The following BICD2 variants were observed in gnomAD, a reference collection of about 807,000 sequenced individuals.
BICD2 encodes BICD cargo adaptor 2.
Under a neutral mutation model 72.9 loss-of-function variants are expected in BICD2, and 25 were observed. The observed-to-expected ratio is 0.34, with a 90% CI of 0.25 to 0.48. The LOEUF is 0.48. BICD2 is among the 20% of genes least tolerant of loss of function. The pLI, the probability that BICD2 is intolerant of heterozygous loss-of-function variation, is 0.99. For synonymous variants in BICD2, 501 were observed against 516.1 expected (o/e 0.97, Z 0.40); for missense variants, 894 against 1,175.2 (o/e 0.76, Z 3.50).
At chr9:92,748,088 A>G (rs1854052898) in intron 1 of BICD2, among the ~76,000 whole-genome samples, 1 of 152,124 alleles carries the variant, frequency 6.6e-6, no homozygotes, top group Admixed American at 6.5e-5. Context: ...GTGGGCAGGC[A>G]TTGCAGGTTC....
At position 92,720,497 on chromosome 9, in the gene BICD2, C is replaced by A; in HGVS notation, c.865G>T (p.Ala289Ser). The A allele has an allele frequency of 6.2e-7, 1 of 1,614,222 alleles. No homozygotes were observed. Among genetic ancestry groups the A allele is most frequent in the Non-Finnish European group, 8.5e-7 (1 of 1,180,046 alleles). Residue 289 changes from alanine (A) to serine (S), a missense_variant, in exon 4 of 7, where the codon GCT (alanine) becomes TCT (serine). Ala to Ser is a moderately conservative substitution (Grantham distance 99). Transcript: ENST00000356884. This position sits in a 1 kb window ranked among gnomAD's most constrained non-coding sequence, Gnocchi z 5.4. ...TCGGCATCGTTGTTGGGCTCGGCAG[C>A]ATCGTCACTGAACTTGAGGCCATCC... ...SLDGLKFSDDAAEPNNDAEAL... is the reference protein window; with the variant it reads ...SLDGLKFSDDSAEPNNDAEAL...
Position 92,715,016 on chromosome 9 carries a change from GC to G in BICD2, c.*137del. Reference sequence around the variant, plus strand: ...CTCACAAGTGTCCTGCTGATGCAACGCCCCATGGCGCCTCGGCTAGACTCCT... The same window carrying G: ...CTCACAAGTGTCCTGCTGATGCAACGCCCATGGCGCCTCGGCTAGACTCCT... On this transcript the variant is annotated 3_prime_UTR_variant, in exon 7 of 7. Coordinates refer to ENST00000356884, the MANE Select transcript of BICD2 (RefSeq NM_001003800.2). 1 of 1,423,164 alleles carries G rather than the reference GC, an allele frequency of 7.0e-7. No individual in the cohort carries two copies. Among genetic ancestry groups the G allele is most frequent in the Non-Finnish European group, 9.2e-7 (1 of 1,088,558 alleles). 88.2% of individuals were successfully genotyped at this position (1,423,164 alleles called of 1,614,324 possible).
chr9:92,731,249 A>C (rs1351399665), intron 1 of BICD2, among the ~76,000 whole-genome samples: 1 of 152,188 alleles, frequency 6.6e-6, no homozygotes, highest in Non-Finnish European at 1.5e-5. Flanking sequence ...GGGGATGCAG[A>C]CATCACCTCA....
chr9:92,740,961 G>C (rs186248329), intron 1 of BICD2, among the ~76,000 whole-genome samples: 1 of 152,336 alleles, frequency 6.6e-6, no homozygotes, highest in Non-Finnish European at 1.5e-5. Context: ...GTGTAGCACA[G>C]CAGGTCTTGA....
At chr9:92,752,738 C>A (rs1227686917) in intron 1 of BICD2, among the ~76,000 whole-genome samples, 2 of 152,186 alleles carry the variant, frequency 1.3e-5, no homozygotes, top group African/African-American at 4.8e-5. Flanking sequence ...GCCTGGGCGA[C>A]AGAGTGAGAC....
At chr9:92,753,445 C>A (rs1477164913) in intron 1 of BICD2, among the ~76,000 whole-genome samples, 3 of 152,178 alleles carry the variant, frequency 2.0e-5, no homozygotes, top group African/African-American at 7.2e-5. Flanking sequence ...TACAGCAACT[C>A]TGTACTATTT....
At chr9:92,726,099 G>A (rs574118171) in intron 2 of BICD2, among the ~76,000 whole-genome samples, 67 of 152,244 alleles carry the variant, frequency 4.4e-4, no homozygotes, top group Middle Eastern at 3.4e-3. Context: ...CATACACAGC[G>A]GTTAGAGTCA....
At chr9:92,722,847 C>G in intron 2 of BICD2, 39 bp from the exon 3 acceptor site, 1 of 1,612,878 alleles carries the variant, frequency 6.2e-7, no homozygotes, top group East Asian at 2.2e-5. Flanking sequence ...GAGCAGCCTC[C>G]ACAGGGCACG....
At chr9:92,747,451 C>T (rs10992447) in intron 1 of BICD2, among the ~76,000 whole-genome samples, 19,253 of 152,166 alleles carry the variant, frequency 0.13, 1,594 homozygotes, top group East Asian at 0.3. Flanking sequence ...TCTCTTTCAT[C>T]GCCACAAGTG....
rs561748013 is a variant in BICD2, at chr9:92,715,409, A to T, written c.2313T>A (p.Ala771=). The part of the protein sequence containing the change: ...LDEMQRQLAA[A]EDEKKTLNSL... The stretch of plus-strand genomic sequence containing the variant: ...AGTTCAGCGTCTTCTTCTCGTCCTC[A>T]GCAGCCGCCAGCTGCCGCTGCATCT... Residue 771 remains alanine (A), a synonymous_variant, in exon 7 of 7, where the codon GCT becomes GCA. Coordinates refer to ENST00000356884, the MANE Select transcript of BICD2 (RefSeq NM_001003800.2). The T allele has an allele frequency of 5.6e-6, 9 of 1,605,094 alleles. No homozygotes were observed. In the African/African-American group the frequency reaches 1.1e-4, roughly 19 times the overall value.
intron 6 of BICD2, among the ~76,000 whole-genome samples, chr9:92,717,452 G>A (rs560047202): frequency 1.1e-4 from 17 of 152,322 alleles, no homozygotes; most frequent in Middle Eastern, 3.4e-3. Flanking sequence ...TGCTATCCCC[G>A]GCCACATGTG....
chr9:92,719,172 G>A lies in BICD2; in HGVS notation c.1473C>T (p.Ala491=). 6.2e-7 allele frequency: 1 copy of A among 1,611,010 alleles called. No homozygotes were observed. Among genetic ancestry groups the A allele is most frequent in the Admixed American group, 1.7e-5 (1 of 60,026 alleles). The change falls in exon 5 of 7, where the codon GCC becomes GCT. Residue 491 remains alanine (A), a synonymous_variant. Transcript: ENST00000356884. ...CCAGCAGCTCGCGGTCCTGGCGGCT[G>A]GCCTTCTCTAGCAGGGAGACCTTCT... ...LTEKVSLLEK[A]SRQDRELLAR...
At chr9:92,743,365 T>C (rs1853936878) in intron 1 of BICD2, among the ~76,000 whole-genome samples, 1 of 150,288 alleles carries the variant, frequency 6.7e-6, no homozygotes, top group Admixed American at 6.6e-5. Context: ...CTTTTTTTTT[T>C]TTTTTTTTTT....
chr9:92,750,913 T>G (rs1854133182), intron 1 of BICD2, among the ~76,000 whole-genome samples: 1 of 152,152 alleles, frequency 6.6e-6, no homozygotes, highest in Non-Finnish European at 1.5e-5. Context: ...TAACTTTTTC[T>G]TTTTATTTGT....
In BICD2 at chr9:92,715,123, G is replaced by A; in HGVS notation, c.*31C>T. On this transcript the variant is annotated 3_prime_UTR_variant, in exon 7 of 7. Transcript: ENST00000356884. ...CTGGGTTAGTTGAGGTGAAGCAGAT[G>A]TTAGCTGCAGCGTGCGGCGCCCCAC... The A allele has an allele frequency of 6.5e-7, 1 of 1,538,592 alleles. No homozygotes were observed. The highest frequency in any genetic ancestry group is 8.8e-7 in the Non-Finnish European group (1 of 1,139,116).
At chr9:92,744,988 C>CA (rs1853979631) in intron 1 of BICD2, among the ~76,000 whole-genome samples, 1 of 152,178 alleles carries the variant, frequency 6.6e-6, no homozygotes. Context: ...AACCCCAAAC[C>CA]AAACATATCA....
Position 92,764,832 on chromosome 9 carries a change from C to G in BICD2, c.-88G>C, listed in dbSNP as rs1587696863. 3 of 865,870 alleles carry G rather than the reference C, an allele frequency of 3.5e-6. No homozygotes were observed. Among genetic ancestry groups the G allele is most frequent in the Non-Finnish European group, 4.2e-6 (3 of 722,340 alleles). The allele number at this position is 865,870 out of a possible 1,614,324, so 53.6% of individuals were successfully genotyped here. A position where few individuals can be genotyped will look rare whatever the true frequency, so the allele number is the denominator to read the frequency against. The stretch of plus-strand genomic sequence containing the variant: ...CGCCGCTGCCGCCGCCGCCGCCGCC[C>G]TGCCCCGACGGCCGCCCGCCCGCCC... On this transcript the variant is annotated 5_prime_UTR_variant, in exon 1 of 7. Transcript: ENST00000356884. The surrounding 1 kb of genome is among the most constrained non-coding windows in gnomAD (Gnocchi z 5.5).
At chr9:92,729,967 C>T (rs750531948) in intron 1 of BICD2, among the ~76,000 whole-genome samples, 23 of 152,216 alleles carry the variant, frequency 1.5e-4, no homozygotes, top group Admixed American at 6.5e-4. Flanking sequence ...CACCTGCCCA[C>T]GCACCTGAGA....
chr9:92,758,522 A>G (rs1466918091), intron 1 of BICD2, among the ~76,000 whole-genome samples: 1 of 136,308 alleles, frequency 7.3e-6, no homozygotes, highest in South Asian at 2.5e-4. Flanking sequence ...ACTGTACTCC[A>G]GCCTGGGCAA....
Sources: gnomAD v4.1 joint callset for allele counts (sites outside exome capture counted in the v4.1 genomes callset) on GRCh38, gnomAD v4.1.1 for gene constraint, Gnocchi (gnomAD v3.1) non-coding constraint, MANE v1.5 for transcripts, NCBI Gene and HGNC (gene_info 2026-07-23, HGNC 2026-07-21) for gene names.